Variants in LPP observed in about 807,000 individuals in gnomAD.
LPP encodes lipoma-preferred partner.
A neutral mutation model predicts 60.4 loss-of-function variants in LPP; 38 were observed. The ratio of observed to expected loss-of-function variants is 0.63; its 90% confidence interval spans 0.49 to 0.83. The LOEUF is 0.83. Ranked by LOEUF, LPP falls within the 40% of genes least tolerant of loss-of-function variation. The pLI, the probability that LPP is intolerant of heterozygous loss-of-function variation, is 0.00. For missense variants in LPP, 902 were observed against 783.6 expected (o/e 1.15, Z -1.80); for synonymous variants, 328 against 290.8 (o/e 1.13, Z -1.30).
intron 2 of LPP, among the ~76,000 whole-genome samples, chr3:188,299,876 T>C (rs944088498): frequency 6.6e-6 from 1 of 152,234 alleles, no homozygotes; most frequent in Non-Finnish European, 1.5e-5. Context: ...CGCTCTGCTG[T>C]CTGTCTCTGG....
In LPP at chr3:188,162,206, G is replaced by T. The variant is rs1269400269; in HGVS notation, c.-190+7954G>T. Among the ~76,000 whole-genome samples the T allele has an allele frequency of 9.2e-5, 14 of 152,022 alleles. No individual in the cohort carries two copies. The East Asian group carries it at 2.1e-3, about 23-fold the overall frequency. On this transcript the variant is annotated intron_variant, in intron 1 of 11. Coordinates refer to ENST00000617246, the MANE Select transcript of LPP (RefSeq NM_001375462.1). ...ATTTTATAATCATTTGTATTACTTTGTTCCCAAATATAATGCAAGAGACAA... is the reference window on the plus strand; with the variant it reads ...ATTTTATAATCATTTGTATTACTTTTTTCCCAAATATAATGCAAGAGACAA...
At chr3:188,552,775 C>T (rs775311077) in intron 6 of LPP, among the ~76,000 whole-genome samples, 1 of 152,306 alleles carries the variant, frequency 6.6e-6, no homozygotes, top group East Asian at 1.9e-4. Flanking sequence ...AGATGAGGCT[C>T]ACCTGGATAA....
chr3:188,187,764 A>G (rs1387596162), intron 1 of LPP, among the ~76,000 whole-genome samples: 1 of 152,080 alleles, frequency 6.6e-6, no homozygotes, highest in African/African-American at 2.4e-5. Flanking sequence ...AGATATTTCC[A>G]GGCTTTCATG....
At chr3:188,684,538 C>T (rs1428701435) in intron 7 of LPP, among the ~76,000 whole-genome samples, 2 of 152,148 alleles carry the variant, frequency 1.3e-5, no homozygotes, top group Non-Finnish European at 2.9e-5. Flanking sequence ...CTAAAAACCA[C>T]TTGGGAGAGG....
rs991898428 is a variant in LPP, at chr3:188,879,335, A to G, written c.*4856A>G. 1 of 223,380 alleles carries G rather than the reference A, an allele frequency of 4.5e-6. No homozygotes were observed. The highest frequency in any genetic ancestry group is 6.5e-5 in the East Asian group (1 of 15,412). The allele number at this position is 223,380 out of a possible 1,614,324, so 13.8% of individuals were successfully genotyped here. On this transcript the variant is annotated 3_prime_UTR_variant, in exon 12 of 12. Coordinates refer to ENST00000617246, the MANE Select transcript of LPP (RefSeq NM_001375462.1). Reference sequence around the variant, plus strand: ...CCATCCTACCTATTAGTGTTGCTGTACTTGGATTTTTTGTAAATTAAATCA... The same window carrying G: ...CCATCCTACCTATTAGTGTTGCTGTGCTTGGATTTTTTGTAAATTAAATCA...
intron 2 of LPP, among the ~76,000 whole-genome samples, chr3:188,277,118 G>A (rs554432521): frequency 4.6e-5 from 7 of 151,952 alleles, no homozygotes; most frequent in African/African-American, 1.7e-4. Flanking sequence ...TGGCCAGGCT[G>A]GTCTCGAACT....
At chr3:188,320,640 G>A (rs1286736753) in intron 2 of LPP, among the ~76,000 whole-genome samples, 1 of 152,200 alleles carries the variant, frequency 6.6e-6, no homozygotes, top group East Asian at 1.9e-4. Context: ...GGGATGAGGA[G>A]AGAATTCTTT....
At chr3:188,795,608 G>T (rs544702944) in intron 9 of LPP, among the ~76,000 whole-genome samples, 1 of 152,124 alleles carries the variant, frequency 6.6e-6, no homozygotes, top group African/African-American at 2.4e-5. Flanking sequence ...AACAAAGAAT[G>T]CTTGGAAATG....
chr3:188,834,190 C>T (rs1208922680), intron 9 of LPP, among the ~76,000 whole-genome samples: 7 of 152,148 alleles, frequency 4.6e-5, no homozygotes, highest in Admixed American at 4.6e-4. Context: ...CTCCTGCCAG[C>T]ATGATAATAC....
chr3:188,794,520 A>G (rs1744750330), intron 9 of LPP, among the ~76,000 whole-genome samples: 1 of 152,158 alleles, frequency 6.6e-6, no homozygotes, highest in African/African-American at 2.4e-5. Context: ...GAGGGCAAGA[A>G]GGGGCAAATA....
intron 9 of LPP, among the ~76,000 whole-genome samples, chr3:188,774,047 G>T (rs1377512212): frequency 6.6e-6 from 1 of 152,102 alleles, no homozygotes; most frequent in Non-Finnish European, 1.5e-5. Context: ...AAAACCAGGG[G>T]GTTTGGAAAA....
At chr3:188,726,259 A>G (rs1364745362) in intron 8 of LPP, among the ~76,000 whole-genome samples, 1 of 152,128 alleles carries the variant, frequency 6.6e-6, no homozygotes, top group Non-Finnish European at 1.5e-5. Context: ...TCTTGTGACA[A>G]TTTAGAGAAG....
intron 7 of LPP, among the ~76,000 whole-genome samples, chr3:188,628,652 C>G (rs892721415): frequency 6.6e-6 from 1 of 151,990 alleles, no homozygotes; most frequent in African/African-American, 2.4e-5. Context: ...AGATGGATTC[C>G]CAGCTGAATT....
chr3:188,281,803 A>T (rs1260298033), intron 2 of LPP, among the ~76,000 whole-genome samples: 1 of 152,074 alleles, frequency 6.6e-6, no homozygotes, highest in Non-Finnish European at 1.5e-5. Flanking sequence ...CTGTAAATAT[A>T]TGTTTATTTT....
intron 7 of LPP, among the ~76,000 whole-genome samples, chr3:188,624,373 A>G (rs1178951323): frequency 1.3e-5 from 2 of 152,212 alleles, no homozygotes; most frequent in East Asian, 1.9e-4. Flanking sequence ...TGAATGTTCC[A>G]TTTACTAATC....
At chr3:188,371,125 A>G (rs1294663183) in intron 3 of LPP, among the ~76,000 whole-genome samples, 1 of 152,146 alleles carries the variant, frequency 6.6e-6, no homozygotes, top group Non-Finnish European at 1.5e-5. Context: ...GTGCTGTACC[A>G]AGATCTCTTA....
chr3:188,587,914 A>G (rs1044680603), intron 6 of LPP, among the ~76,000 whole-genome samples: 5 of 152,242 alleles, frequency 3.3e-5, no homozygotes, highest in African/African-American at 9.6e-5. Flanking sequence ...GATAATTCCA[A>G]ATATACAGTA....
intron 7 of LPP, among the ~76,000 whole-genome samples, chr3:188,665,460 CTT>C (rs141063775): frequency 6.5e-5 from 4 of 61,650 alleles, no homozygotes; most frequent in South Asian, 4.6e-4. Flanking sequence ...TCTTCTTCTT[CTT>C]TTTTTTTTTT....
At chr3:188,637,835 A>G in intron 7 of LPP, among the ~76,000 whole-genome samples, 1 of 152,170 alleles carries the variant, frequency 6.6e-6, no homozygotes, top group African/African-American at 2.4e-5. Flanking sequence ...ATCTCTGAAT[A>G]GACCAATAAC....
Sources: gnomAD v4.1 joint callset for allele counts (sites outside exome capture counted in the v4.1 genomes callset) on GRCh38, gnomAD v4.1.1 for gene constraint, MANE v1.5 for transcripts, NCBI Gene and HGNC (gene_info 2026-07-23, HGNC 2026-07-21) for gene names.